Variants in JAZF1 observed in about 807,000 individuals in gnomAD.
The protein encoded by JAZF1 is JAZF zinc finger 1, also known as juxtaposed with another zinc finger protein 1.
A neutral mutation model predicts 26.4 loss-of-function variants in JAZF1; 8 were observed. That is an observed-to-expected ratio of 0.30 (90% confidence interval 0.18 to 0.55). The LOEUF is 0.55. Among genes scored for constraint, JAZF1 ranks in the 20% least tolerant of loss-of-function variants. JAZF1 has a pLI of 0.94. For synonymous variants in JAZF1, 126 were observed against 122.3 expected (o/e 1.03, Z -0.20); for missense variants, 199 against 322.0 (o/e 0.62, Z 2.92).
At chr7:27,924,790 T>A (rs1784584533) in intron 2 of JAZF1, among the ~76,000 whole-genome samples, 1 of 152,208 alleles carries the variant, frequency 6.6e-6, no homozygotes, top group Non-Finnish European at 1.5e-5. Context: ...ATGTGTGCAT[T>A]CTCTGGGCAA....
At chr7:28,067,756 G>A (rs144878952) in intron 1 of JAZF1, among the ~76,000 whole-genome samples, 190 of 152,250 alleles carry the variant, frequency 1.2e-3, no homozygotes, top group African/African-American at 4.3e-3. Flanking sequence ...AGGGGACTTC[G>A]GCAGGTGCTC....
chr7:27,954,924 AT>A (rs1785062467), intron 2 of JAZF1, among the ~76,000 whole-genome samples: 1 of 151,990 alleles, frequency 6.6e-6, no homozygotes, highest in Non-Finnish European at 1.5e-5. Flanking sequence ...TGCTCAGCTA[AT>A]TTTTGTATTT....
intron 1 of JAZF1, among the ~76,000 whole-genome samples, chr7:28,169,668 C>CA (rs1381694744): frequency 6.6e-6 from 1 of 152,190 alleles, no homozygotes; most frequent in African/African-American, 2.4e-5. Flanking sequence ...AAAGAAACTT[C>CA]AAAAACCCCA....
In JAZF1 at chr7:28,138,518, C is replaced by T. The variant is rs185418484; in HGVS notation, c.115+41945G>A. 2.1e-3 allele frequency among the ~76,000 whole-genome samples: 314 copies of T among 152,324 alleles called. 2 individuals carry two copies. Among genetic ancestry groups the T allele is most frequent in the Non-Finnish European group, 3.7e-3 (252 of 68,038 alleles). ...TTATTCTGATTCTCAGAATGCTTCG[C>T]TGTTCACCTGTTGCCAGCTTCTTTT... On this transcript the variant is annotated intron_variant, in intron 1 of 4. Transcript: ENST00000283928.
rs2391491 is a variant in JAZF1 at position 27,874,721 on chromosome 7, C to A, written c.385+20499G>T. ...CAACCACTGAACCTTTAATCGAGATCCTTATCTGGGGAAATCGCTAGCAGC... is the reference window on the plus strand; with the variant it reads ...CAACCACTGAACCTTTAATCGAGATACTTATCTGGGGAAATCGCTAGCAGC... On this transcript the variant is annotated intron_variant, in intron 3 of 4. Coordinates refer to ENST00000283928, the MANE Select transcript of JAZF1 (RefSeq NM_175061.4). Among the ~76,000 whole-genome samples, 8 of 432 alleles carry A rather than the reference C, an allele frequency of 0.019. No individual in the cohort carries two copies. The Non-Finnish European group carries it at 0.19, about 10-fold the overall frequency. The allele number at this position is 432 out of a possible 152,430, so 0.3% of individuals were successfully genotyped here.
chr7:27,933,308 C>G (rs1200739466), intron 2 of JAZF1, among the ~76,000 whole-genome samples: 1 of 152,146 alleles, frequency 6.6e-6, no homozygotes, highest in African/African-American at 2.4e-5. Flanking sequence ...CCAATAACTG[C>G]TAAGCAGAGA....
At chr7:27,916,883 T>C (rs1229277632) in intron 2 of JAZF1, among the ~76,000 whole-genome samples, 2 of 152,198 alleles carry the variant, frequency 1.3e-5, no homozygotes, top group Non-Finnish European at 2.9e-5. Context: ...AAGTAGTGAT[T>C]TGGGGACACA....
intron 1 of JAZF1, among the ~76,000 whole-genome samples, chr7:28,008,742 T>C (rs1441538605): frequency 6.6e-6 from 1 of 152,160 alleles, no homozygotes; most frequent in Non-Finnish European, 1.5e-5. Context: ...CTTGCAAGAG[T>C]AGGGACTTGC....
chr7:27,957,090 C>T (rs1785107913), intron 2 of JAZF1, among the ~76,000 whole-genome samples: 1 of 152,176 alleles, frequency 6.6e-6, no homozygotes, highest in Non-Finnish European at 1.5e-5. Context: ...CCCCCAGTGG[C>T]AAAGGCCTAT....
At chr7:28,121,678 A>G (rs748856922) in intron 1 of JAZF1, among the ~76,000 whole-genome samples, 2 of 152,206 alleles carry the variant, frequency 1.3e-5, no homozygotes, top group East Asian at 3.8e-4. Context: ...CACGTGACCA[A>G]TGTAGATAAG....
chr7:27,855,034 A>G (rs1165593977), intron 3 of JAZF1, among the ~76,000 whole-genome samples: 2 of 152,068 alleles, frequency 1.3e-5, no homozygotes, highest in Non-Finnish European at 2.9e-5. Context: ...ACATAGTCCC[A>G]TATTTCTGGG....
intron 2 of JAZF1, among the ~76,000 whole-genome samples, chr7:27,932,924 C>T (rs984797569): frequency 4.6e-5 from 7 of 152,158 alleles, no homozygotes; most frequent in Admixed American, 2.0e-4. Flanking sequence ...CGTATAAATA[C>T]GAAAGGGCTG....
chr7:28,156,359 T>C (rs1297266827), intron 1 of JAZF1, among the ~76,000 whole-genome samples: 1 of 152,226 alleles, frequency 6.6e-6, no homozygotes, highest in African/African-American at 2.4e-5. Context: ...ACTTCGTGGC[T>C]TTGGCAGAGT....
intron 2 of JAZF1, among the ~76,000 whole-genome samples, chr7:27,926,138 AAGAGTATATGATG>A: frequency 6.6e-6 from 1 of 152,180 alleles, no homozygotes; most frequent in Non-Finnish European, 1.5e-5. Flanking sequence ...CTGGTTTGGG[AAGAGTATATGATG>A]AGTTAGAAAC....
intron 2 of JAZF1, among the ~76,000 whole-genome samples, chr7:27,952,041 C>T (rs1321895456): frequency 6.6e-6 from 1 of 152,114 alleles, no homozygotes; most frequent in Non-Finnish European, 1.5e-5. Flanking sequence ...TGGTTAATGA[C>T]TAGGCAGGTG....
chr7:27,945,421 G>A (rs576943886), intron 2 of JAZF1, among the ~76,000 whole-genome samples: 1 of 152,114 alleles, frequency 6.6e-6, no homozygotes, highest in Non-Finnish European at 1.5e-5. Flanking sequence ...GGGCCAGCAG[G>A]GTCCTCTGCA....
At chr7:27,842,060 GGTT>G (rs1782934272) in intron 3 of JAZF1, 1 of 152,098 alleles carries the variant, frequency 6.6e-6, no homozygotes, top group African/African-American at 2.4e-5. Context: ...ACTTTTATTG[GGTT>G]TCATTTTAAT....
intron 1 of JAZF1, among the ~76,000 whole-genome samples, chr7:28,000,092 T>A (rs1050328795): frequency 1.2e-4 from 18 of 151,926 alleles, no homozygotes; most frequent in African/African-American, 4.1e-4. Flanking sequence ...AGGGGAGAGG[T>A]CTGTGGATAC....
chr7:27,863,038 C>G (rs1410714443), intron 3 of JAZF1, among the ~76,000 whole-genome samples: 1 of 152,200 alleles, frequency 6.6e-6, no homozygotes, highest in Non-Finnish European at 1.5e-5. Context: ...GGCCACCATT[C>G]CGGCCTGCCT....
Sources: gnomAD v4.1 joint callset for allele counts (sites outside exome capture counted in the v4.1 genomes callset) on GRCh38, gnomAD v4.1.1 for gene constraint, MANE v1.5 for transcripts, NCBI Gene and HGNC (gene_info 2026-07-23, HGNC 2026-07-21) for gene names.